The following SUGCT variants were observed in gnomAD, a reference collection of about 807,000 sequenced individuals.
SUGCT encodes succinyl-CoA:glutarate-CoA transferase.
SUGCT carries 41 observed loss-of-function variants against 55.0 expected under a neutral mutation model. The ratio of observed to expected loss-of-function variants is 0.74; its 90% CI spans 0.58 to 0.97. SUGCT has a LOEUF of 0.97. Among genes scored for constraint, SUGCT ranks in the 50% least tolerant of loss-of-function variants. The pLI is 0.00. For synonymous variants in SUGCT, 187 were observed against 200.4 expected (o/e 0.93, Z 0.56); for missense variants, 568 against 547.8 (o/e 1.04, Z -0.37).
At chr7:40,795,965 G>A (rs1001519366) in intron 13 of SUGCT, among the ~76,000 whole-genome samples, 8 of 152,134 alleles carry the variant, frequency 5.3e-5, no homozygotes, top group African/African-American at 1.9e-4. Context: ...TAATATAAAT[G>A]AAAAGGGTTC....
At chr7:40,823,049 C>T (rs1282878835) in intron 13 of SUGCT, among the ~76,000 whole-genome samples, 2 of 152,096 alleles carry the variant, frequency 1.3e-5, no homozygotes, top group African/African-American at 2.4e-5. Context: ...TTGTGATGTC[C>T]CTCATAACTC....
At chr7:40,456,116 C>T (rs1789472043) in intron 10 of SUGCT, among the ~76,000 whole-genome samples, 1 of 152,038 alleles carries the variant, frequency 6.6e-6, no homozygotes, top group African/African-American at 2.4e-5. Flanking sequence ...ACCTCTGCCT[C>T]CTGGGTTCAA....
intron 9 of SUGCT, among the ~76,000 whole-genome samples, chr7:40,331,014 A>G (rs575363793): frequency 6.6e-6 from 1 of 152,270 alleles, no homozygotes; most frequent in Non-Finnish European, 1.5e-5. Context: ...AAGAAGAAGA[A>G]TTGTCTTGGG....
chr7:40,209,665 G>A (rs1383146496), intron 6 of SUGCT, among the ~76,000 whole-genome samples: 1 of 152,012 alleles, frequency 6.6e-6, no homozygotes, highest in Non-Finnish European at 1.5e-5. Context: ...GTGTGGTGGC[G>A]CATGCCTGTA....
intron 12 of SUGCT, among the ~76,000 whole-genome samples, chr7:40,715,940 C>T (rs774253195): frequency 2.0e-5 from 3 of 152,152 alleles, no homozygotes; most frequent in African/African-American, 4.8e-5. Flanking sequence ...CATTTTGTAG[C>T]GCTTGTTATT....
chr7:40,617,141 T>C (rs1799041197), intron 12 of SUGCT, among the ~76,000 whole-genome samples: 1 of 152,176 alleles, frequency 6.6e-6, no homozygotes, highest in Admixed American at 6.5e-5. Context: ...TTCCCACTAT[T>C]TTGAAGAAAT....
At chr7:40,778,225 C>T (rs1275964427) in intron 13 of SUGCT, among the ~76,000 whole-genome samples, 2 of 119,350 alleles carry the variant, frequency 1.7e-5, no homozygotes, top group Non-Finnish European at 3.7e-5. Context: ...TCATAGCTGC[C>T]TTCTACAGAC....
chr7:40,674,391 A>C (rs1011682813), intron 12 of SUGCT, among the ~76,000 whole-genome samples: 1 of 152,254 alleles, frequency 6.6e-6, no homozygotes, highest in African/African-American at 2.4e-5. Context: ...ATTTCAGTTC[A>C]AAATGGCATC....
chr7:40,602,346 G>A (rs1798336661), intron 12 of SUGCT, among the ~76,000 whole-genome samples: 1 of 152,174 alleles, frequency 6.6e-6, no homozygotes, highest in African/African-American at 2.4e-5. Context: ...TCTGTCGGGG[G>A]GAAGAAGAGG....
chr7:40,989,605 TA>T, the SUGCT span, among the ~76,000 whole-genome samples: 668 of 132,368 alleles, frequency 5.0e-3, 2 homozygotes, highest in East Asian at 0.011. Context: ...CCATCTCTAC[TA>T]AAAAAAAAAA....
chr7:40,910,736 G>A, the SUGCT span, among the ~76,000 whole-genome samples: 1 of 152,142 alleles, frequency 6.6e-6, no homozygotes, highest in Admixed American at 6.5e-5. Flanking sequence ...TCCCCTTTAT[G>A]GAAAGCAGGA....
intron 12 of SUGCT, among the ~76,000 whole-genome samples, chr7:40,680,236 C>T (rs1484629927): frequency 2.0e-5 from 3 of 152,056 alleles, no homozygotes; most frequent in African/African-American, 7.2e-5. Context: ...TTTAAAAAAT[C>T]GAAGTCAGCT....
chr7:40,277,557 A>G (rs1160825370), intron 8 of SUGCT, among the ~76,000 whole-genome samples: 1 of 152,086 alleles, frequency 6.6e-6, no homozygotes, highest in Non-Finnish European at 1.5e-5. Context: ...TGGTCTTTTA[A>G]GGCAAAGAAT....
At chr7:40,220,721 C>T (rs1787971837) in intron 6 of SUGCT, among the ~76,000 whole-genome samples, 1 of 152,130 alleles carries the variant, frequency 6.6e-6, no homozygotes, top group African/African-American at 2.4e-5. Context: ...GCCAGCCTCA[C>T]CTTAAGTTTC....
At chr7:40,838,860 A>G (rs1344417237) in intron 13 of SUGCT, among the ~76,000 whole-genome samples, 4 of 151,810 alleles carry the variant, frequency 2.6e-5, no homozygotes, top group Non-Finnish European at 4.4e-5. Flanking sequence ...ATCATTAAGT[A>G]TGAAGGTAGC....
intron 12 of SUGCT, among the ~76,000 whole-genome samples, chr7:40,563,356 T>TG (rs1420347499): frequency 6.6e-6 from 1 of 152,170 alleles, no homozygotes; most frequent in Non-Finnish European, 1.5e-5. Flanking sequence ...TAGAAGGGTT[T>TG]GACAGTTCTT....
intron 7 of SUGCT, 53 bp from the exon 8 acceptor site, chr7:40,274,460 G>A: frequency 6.4e-7 from 1 of 1,567,812 alleles, no homozygotes. Context: ...GAAATCATAT[G>A]ATTCTTTTAA....
At chr7:40,835,778 A>T (rs1792934298) in intron 13 of SUGCT, among the ~76,000 whole-genome samples, 1 of 152,226 alleles carries the variant, frequency 6.6e-6, no homozygotes, top group Admixed American at 6.5e-5. Context: ...GGTTCAGGTA[A>T]ATCACTTAAC....
the SUGCT span, among the ~76,000 whole-genome samples, chr7:40,935,166 A>G: frequency 6.6e-6 from 1 of 152,204 alleles, no homozygotes; most frequent in South Asian, 2.1e-4. Context: ...CAAATTGTCT[A>G]TTTGTTGATT....
Sources: gnomAD v4.1 joint callset for allele counts (sites outside exome capture counted in the v4.1 genomes callset) on GRCh38, gnomAD v4.1.1 for gene constraint, MANE v1.5 for transcripts, NCBI Gene and HGNC (gene_info 2026-07-23, HGNC 2026-07-21) for gene names.